The following KCNMB2 variants were observed in gnomAD, a reference collection of about 807,000 sequenced individuals.
KCNMB2 encodes potassium calcium-activated channel subfamily M regulatory beta subunit 2.
Under a neutral mutation model 24.5 loss-of-function variants are expected in KCNMB2, and 9 were observed. The ratio of observed to expected loss-of-function variants is 0.37; its 90% CI spans 0.22 to 0.64. KCNMB2 has a LOEUF of 0.64. Ranked by LOEUF, KCNMB2 falls within the 30% of genes least tolerant of loss-of-function variation. KCNMB2 has a pLI of 0.63. For synonymous variants in KCNMB2, 109 were observed against 104.4 expected, an observed-to-expected ratio of 1.04 and a Z score of -0.27; for missense variants, 226 against 284.3, an observed-to-expected ratio of 0.79 and a Z score of 1.47.
At chr3:178,706,874 G>T (rs896980946) in intron 1 of KCNMB2, among the ~76,000 whole-genome samples, 3 of 152,134 alleles carry the variant, frequency 2.0e-5, no homozygotes, top group African/African-American at 7.2e-5. Flanking sequence ...GCAGCCATCA[G>T]AGGACTCACA....
At chr3:178,620,444 T>C (rs1338497718) in intron 1 of KCNMB2, among the ~76,000 whole-genome samples, 1 of 152,128 alleles carries the variant, frequency 6.6e-6, no homozygotes, top group African/African-American at 2.4e-5. Context: ...CAGCAAAAAT[T>C]TATCTATTAC....
intron 1 of KCNMB2, among the ~76,000 whole-genome samples, chr3:178,759,548 A>C (rs190857951): frequency 1.4e-4 from 15 of 109,366 alleles, no homozygotes; most frequent in Admixed American, 2.9e-4. Context: ...TCTCTCTCCA[A>C]GAGGATATAT....
intron 1 of KCNMB2, among the ~76,000 whole-genome samples, chr3:178,578,380 A>G (rs1236436439): frequency 1.3e-5 from 2 of 152,224 alleles, no homozygotes; most frequent in Admixed American, 1.3e-4. Flanking sequence ...CGAAGGATGC[A>G]CTAAATATGG....
At chr3:178,746,461 A>G (rs571533287) in intron 1 of KCNMB2, among the ~76,000 whole-genome samples, 12 of 151,964 alleles carry the variant, frequency 7.9e-5, no homozygotes, top group Admixed American at 3.3e-4. Context: ...TGCTGTGAAG[A>G]CCTTAGACAT....
intron 1 of KCNMB2, among the ~76,000 whole-genome samples, chr3:178,696,050 G>T (rs1721862695): frequency 6.6e-6 from 1 of 152,200 alleles, no homozygotes; most frequent in African/African-American, 2.4e-5. Flanking sequence ...GCTTGGCTGG[G>T]AGGCCTCAGG....
At chr3:178,556,163 G>A (rs1234715155) in intron 1 of KCNMB2, among the ~76,000 whole-genome samples, 2 of 152,188 alleles carry the variant, frequency 1.3e-5, no homozygotes, top group Non-Finnish European at 2.9e-5. Flanking sequence ...AGTAGAAGAT[G>A]ATAAACTCAG....
At chr3:178,654,543 A>C (rs550123885) in intron 1 of KCNMB2, among the ~76,000 whole-genome samples, 1 of 152,340 alleles carries the variant, frequency 6.6e-6, no homozygotes, top group Non-Finnish European at 1.5e-5. Context: ...GAAAACCACA[A>C]CAAAAATTGG....
At chr3:178,542,518 G>A (rs1413135548) in intron 1 of KCNMB2, among the ~76,000 whole-genome samples, 1 of 152,070 alleles carries the variant, frequency 6.6e-6, no homozygotes, top group Non-Finnish European at 1.5e-5. Flanking sequence ...AATTGCTCAA[G>A]GTCAAAGAGC....
chr3:178,645,699 C>A (rs1252291946), intron 1 of KCNMB2, among the ~76,000 whole-genome samples: 1 of 152,070 alleles, frequency 6.6e-6, no homozygotes, highest in African/African-American at 2.4e-5. Flanking sequence ...GCCACAGAGC[C>A]GGTTCTGGGG....
At chr3:178,636,641 G>A (rs556373061) in intron 1 of KCNMB2, among the ~76,000 whole-genome samples, 3 of 152,310 alleles carry the variant, frequency 2.0e-5, no homozygotes, top group East Asian at 3.9e-4. Context: ...TCACCTTCAT[G>A]TGGGACAAAT....
chr3:178,745,925 C>A (rs1038578874), intron 1 of KCNMB2, among the ~76,000 whole-genome samples: 1 of 152,204 alleles, frequency 6.6e-6, no homozygotes, highest in Non-Finnish European at 1.5e-5. Context: ...CAGGGTACAG[C>A]CTCCCTCCCA....
chr3:178,634,897 T>C (rs1007725912), intron 1 of KCNMB2, among the ~76,000 whole-genome samples: 1 of 152,146 alleles, frequency 6.6e-6, no homozygotes, highest in African/African-American at 2.4e-5. Flanking sequence ...GTCTTGGTCA[T>C]GCCAGGCCTA....
intron 1 of KCNMB2, among the ~76,000 whole-genome samples, chr3:178,613,452 A>G (rs1392863247): frequency 6.6e-6 from 1 of 152,146 alleles, no homozygotes; most frequent in Non-Finnish European, 1.5e-5. Context: ...GTGAGTATTT[A>G]TTGCTCATTA....
At chr3:178,833,620 C>G (rs757246728) in intron 4 of KCNMB2, among the ~76,000 whole-genome samples, 2 of 152,120 alleles carry the variant, frequency 1.3e-5, no homozygotes, top group Non-Finnish European at 2.9e-5. Context: ...TCACAGTTAC[C>G]AAGAAATGGG....
At chr3:178,593,248 C>T (rs1036657013) in intron 1 of KCNMB2, among the ~76,000 whole-genome samples, 32 of 151,914 alleles carry the variant, frequency 2.1e-4, no homozygotes, top group East Asian at 1.5e-3. Context: ...ATATTTATGA[C>T]GTGTAAAATG....
At chr3:178,638,062 G>A (rs957946080) in intron 1 of KCNMB2, among the ~76,000 whole-genome samples, 5 of 152,012 alleles carry the variant, frequency 3.3e-5, no homozygotes, top group African/African-American at 9.7e-5. Flanking sequence ...TAGCAGTTAC[G>A]TCCTCTTCAC....
At chr3:178,671,903 T>C (rs1720912436) in intron 1 of KCNMB2, among the ~76,000 whole-genome samples, 1 of 152,192 alleles carries the variant, frequency 6.6e-6, no homozygotes, top group Admixed American at 6.5e-5. Flanking sequence ...GTTGGGTAAC[T>C]ATGGAAACAG....
At chr3:178,839,242 A>C (rs73183394) in intron 4 of KCNMB2, among the ~76,000 whole-genome samples, 2,966 of 152,236 alleles carry the variant, frequency 0.019, 52 homozygotes, top group Middle Eastern at 0.068. Flanking sequence ...TTATAAACCA[A>C]GGAAAATAAG....
chr3:178,836,015 C>T (rs1019052105), intron 4 of KCNMB2, among the ~76,000 whole-genome samples: 2 of 152,138 alleles, frequency 1.3e-5, no homozygotes, highest in South Asian at 4.1e-4. Context: ...AGACAATTCC[C>T]TCTTTATAAA....
Sources: allele counts gnomAD v4.1 joint callset (sites outside exome capture counted in the v4.1 genomes callset), GRCh38; gene constraint gnomAD v4.1.1; transcripts MANE v1.5; gene names NCBI Gene and HGNC (gene_info 2026-07-23, HGNC 2026-07-21).